The following PIK3C2G variants were observed in gnomAD, a reference collection of about 807,000 sequenced individuals.
PIK3C2G encodes the protein phosphatidylinositol 3-kinase C2 domain-containing subunit gamma.
A neutral mutation model predicts 181.1 loss-of-function variants in PIK3C2G; 168 were observed. The ratio of observed to expected loss-of-function variants is 0.93; its 90% confidence interval spans 0.82 to 1.05. PIK3C2G has a LOEUF of 1.05. Ranked by LOEUF, PIK3C2G falls within the 50% of genes least tolerant of loss-of-function variation. The probability of loss-of-function intolerance (pLI) is 0.00; values close to 1 mark genes in which losing one functional copy is unlikely to be tolerated. For synonymous variants in PIK3C2G, 573 were observed against 592.2 expected (o/e 0.97, Z 0.47); for missense variants, 1,869 against 1,732.8 (o/e 1.08, Z -1.40).
chr12:18,472,153 A>G (rs1358603793), intron 18 of PIK3C2G, among the ~76,000 whole-genome samples: 1 of 152,210 alleles, frequency 6.6e-6, no homozygotes, highest in Non-Finnish European at 1.5e-5. Flanking sequence ...ATATGTTCAA[A>G]TGTATAAAAA....
intron 18 of PIK3C2G, among the ~76,000 whole-genome samples, chr12:18,450,391 G>T (rs1489227967): frequency 2.0e-5 from 3 of 152,180 alleles, no homozygotes; most frequent in Non-Finnish European, 4.4e-5. Context: ...CTCCCAAAGG[G>T]CTGGGATCAC....
chr12:18,660,290 C>T, the PIK3C2G span, among the ~76,000 whole-genome samples: 1 of 152,048 alleles, frequency 6.6e-6, no homozygotes, highest in Non-Finnish European at 1.5e-5. Context: ...AGGATACTGT[C>T]CATTAAATAT....
intron 15 of PIK3C2G, among the ~76,000 whole-genome samples, chr12:18,398,967 G>A (rs1255547645): frequency 5.9e-5 from 9 of 151,940 alleles, no homozygotes; most frequent in South Asian, 2.1e-4. Flanking sequence ...AGGCCGAGGC[G>A]GGCGGATCAC....
chr12:18,420,184 A>T lies in PIK3C2G; in HGVS notation c.2316-757A>T, dbSNP rs1046360904. On this transcript the variant is annotated intron_variant, in intron 16 of 32. Transcript: ENST00000538779. Reference sequence around the variant, plus strand: ...TCTAATCAATGTCAAAGCAATATGGAGCCAAAATTATCTCCAAGCACTTCC... The same window carrying T: ...TCTAATCAATGTCAAAGCAATATGGTGCCAAAATTATCTCCAAGCACTTCC... Among the ~76,000 whole-genome samples the T allele has an allele frequency of 3.3e-5, 5 of 152,102 alleles. No individual in the cohort carries two copies. The South Asian group carries it at 8.3e-4, about 25-fold the overall frequency.
chr12:18,668,384 G>A, the PIK3C2G span, among the ~76,000 whole-genome samples: 1 of 152,098 alleles, frequency 6.6e-6, no homozygotes, highest in African/African-American at 2.4e-5. Flanking sequence ...GGTGATTAAG[G>A]GAAAATTTGT....
chr12:18,542,682 A>C (rs1356967415), intron 25 of PIK3C2G, among the ~76,000 whole-genome samples: 2 of 151,870 alleles, frequency 1.3e-5, no homozygotes, highest in Non-Finnish European at 2.9e-5. Context: ...TTCCTGCATT[A>C]GTTTGCTAAG....
At chr12:18,352,276 A>C (rs1387872982) in intron 11 of PIK3C2G, among the ~76,000 whole-genome samples, 1 of 152,248 alleles carries the variant, frequency 6.6e-6, no homozygotes, top group Admixed American at 6.5e-5. Flanking sequence ...AGAAGTGAGT[A>C]TACTTCAGTG....
At chr12:18,588,614 G>A (rs1182456538) in intron 29 of PIK3C2G, among the ~76,000 whole-genome samples, 1 of 152,118 alleles carries the variant, frequency 6.6e-6, no homozygotes, top group Non-Finnish European at 1.5e-5. Flanking sequence ...AGGTTATGGA[G>A]AAAAAGGAAT....
At chr12:18,640,648 A>G in intron 32 of PIK3C2G, 94 bp downstream of exon 32, 1 of 1,148,508 alleles carries the variant, frequency 8.7e-7, no homozygotes, top group Non-Finnish European at 1.2e-6. Flanking sequence ...AGTAATTGGC[A>G]GCATTATTTC....
At chr12:18,652,263 A>G (rs1214407509), downstream of PIK3C2G, among the ~76,000 whole-genome samples, 2 of 152,152 alleles carry the variant, frequency 1.3e-5, no homozygotes, top group African/African-American at 4.8e-5. Context: ...CCAGTCACAT[A>G]TAAGTATATG....
chr12:18,465,687 T>C (rs555930914), intron 18 of PIK3C2G, among the ~76,000 whole-genome samples: 2 of 151,990 alleles, frequency 1.3e-5, no homozygotes, highest in South Asian at 2.1e-4. Context: ...TCTTTTTGGA[T>C]AGTCTTTTCT....
chr12:18,671,879 T>C, the PIK3C2G span, among the ~76,000 whole-genome samples: 1 of 152,146 alleles, frequency 6.6e-6, no homozygotes, highest in South Asian at 2.1e-4. Context: ...AGATTCAATG[T>C]CTGGTGAAGG....
At chr12:18,532,556 T>G (rs951623349) in intron 24 of PIK3C2G, among the ~76,000 whole-genome samples, 4 of 152,192 alleles carry the variant, frequency 2.6e-5, no homozygotes, top group African/African-American at 9.6e-5. Context: ...TGTTCCAGTA[T>G]CATCGGTTCA....
chr12:18,574,268 T>C (rs1946121870), intron 29 of PIK3C2G, among the ~76,000 whole-genome samples: 1 of 152,218 alleles, frequency 6.6e-6, no homozygotes, highest in Admixed American at 6.5e-5. Context: ...TGCGTTTTGA[T>C]GTAAGAGTGA....
intron 15 of PIK3C2G, among the ~76,000 whole-genome samples, chr12:18,392,740 C>A (rs1186223388): frequency 6.6e-6 from 1 of 151,952 alleles, no homozygotes; most frequent in African/African-American, 2.4e-5. Flanking sequence ...TTTGCAAGAA[C>A]TGGAAAAAGT....
chr12:18,514,394 G>T (rs750537064), intron 24 of PIK3C2G, among the ~76,000 whole-genome samples: 1 of 151,650 alleles, frequency 6.6e-6, no homozygotes, highest in Non-Finnish European at 1.5e-5. Flanking sequence ...CTGAACACAG[G>T]GTCTTTCTAT....
the PIK3C2G span, among the ~76,000 whole-genome samples, chr12:18,653,931 G>A: frequency 6.6e-6 from 1 of 152,076 alleles, no homozygotes; most frequent in Non-Finnish European, 1.5e-5. Flanking sequence ...GACTATACCT[G>A]TCAGCCTTCT....
chr12:18,475,408 A>ACACACC (rs1283865784), intron 18 of PIK3C2G, among the ~76,000 whole-genome samples: 15 of 148,852 alleles, frequency 1.0e-4, no homozygotes, highest in Admixed American at 1.3e-4. Flanking sequence ...ACACACACAC[A>ACACACC]CCATTTTTTT....
chr12:18,527,091 A>G (rs924809707), intron 24 of PIK3C2G, among the ~76,000 whole-genome samples: 2 of 152,132 alleles, frequency 1.3e-5, no homozygotes, highest in Non-Finnish European at 2.9e-5. Flanking sequence ...ACATGGTGTA[A>G]GGATTCTGCC....
Sources: gnomAD v4.1 joint callset for allele counts (sites outside exome capture counted in the v4.1 genomes callset) on GRCh38, gnomAD v4.1.1 for gene constraint, MANE v1.5 for transcripts, NCBI Gene and HGNC (gene_info 2026-07-23, HGNC 2026-07-21) for gene names.